The following NALF1 variants were observed in gnomAD, a reference collection of about 807,000 sequenced individuals.
NALF1 encodes the protein family with sequence similarity 155 member A.
NALF1 carries 3 observed loss-of-function variants against 48.4 expected under a neutral mutation model. The ratio of observed to expected loss-of-function variants is 0.06; its 90% CI spans 0.03 to 0.16. NALF1 has a LOEUF of 0.16. Among genes scored for constraint, NALF1 ranks in the 10% least tolerant of loss-of-function variants. The pLI is 1.00. For missense variants in NALF1, 526 were observed against 571.5 expected (o/e 0.92, Z 0.81); for synonymous variants, 262 against 245.7 (o/e 1.07, Z -0.62).
At chr13:107,443,169 AATCTATCTATCTATCT>A (rs10564280) in intron 1 of NALF1, among the ~76,000 whole-genome samples, 3,782 of 128,404 alleles carry the variant, frequency 0.029, 152 homozygotes, top group African/African-American at 0.09. Context: ...TTTATCTAAC[AATCTATCTATCTATCT>A]ATCTATCTAT....
At chr13:107,504,432 G>A (rs1441774870) in intron 1 of NALF1, among the ~76,000 whole-genome samples, 3 of 152,056 alleles carry the variant, frequency 2.0e-5, no homozygotes, top group African/African-American at 7.2e-5. Context: ...AGCCGCTCTT[G>A]TCACAAAAAG....
At chr13:107,755,104 T>G (rs1034700536) in intron 1 of NALF1, among the ~76,000 whole-genome samples, 37 of 152,318 alleles carry the variant, frequency 2.4e-4, no homozygotes, top group African/African-American at 8.7e-4. Context: ...AGTTAAAACC[T>G]TTAAAAGTAC....
intron 2 of NALF1, among the ~76,000 whole-genome samples, chr13:107,173,315 T>C (rs1279781387): frequency 6.6e-6 from 1 of 152,194 alleles, no homozygotes; most frequent in Non-Finnish European, 1.5e-5. Flanking sequence ...CCTCCATAAA[T>C]AGTAACTTTG....
chr13:107,356,712 T>G (rs1882969522), intron 1 of NALF1, among the ~76,000 whole-genome samples: 2 of 152,146 alleles, frequency 1.3e-5, no homozygotes, highest in South Asian at 2.1e-4. Flanking sequence ...GGATTAGTAG[T>G]TTTTTGAAGT....
chr13:107,618,173 T>C lies in NALF1; in HGVS notation c.915+247509A>G, dbSNP rs139366059. Among the ~76,000 whole-genome samples, 1,220 of 149,856 alleles carry C rather than the reference T, an allele frequency of 8.1e-3. 11 individuals are homozygous for C. The highest frequency in any genetic ancestry group is 1.0e-2 in the Non-Finnish European group (674 of 67,458). On this transcript the variant is annotated intron_variant, in intron 1 of 2. Transcript: ENST00000375915. The stretch of plus-strand genomic sequence containing the variant: ...GTAAGACTGGCTGGAAAAAACTCTG[T>C]TGGAAGAAAAGAGATTTCAGCTGAG...
At chr13:107,735,015 G>A (rs1016050063) in intron 1 of NALF1, among the ~76,000 whole-genome samples, 1 of 152,182 alleles carries the variant, frequency 6.6e-6, no homozygotes, top group Non-Finnish European at 1.5e-5. Flanking sequence ...CTGCTCCTGG[G>A]AGGAAAAAAT....
chr13:107,866,974 G>A lies in NALF1; in HGVS notation c.-378C>T, dbSNP rs1463198697. Among the ~76,000 whole-genome samples, 2 of 151,916 alleles carry A rather than the reference G, an allele frequency of 1.3e-5. No individual in the cohort carries two copies. Among genetic ancestry groups the A allele is most frequent in the East Asian group, 2.0e-4 (1 of 5,098 alleles). On this transcript the variant is annotated 5_prime_UTR_variant, in exon 1 of 3. Coordinates refer to ENST00000375915, the MANE Select transcript of NALF1 (RefSeq NM_001080396.3). The surrounding 1 kb of genome is among the most constrained non-coding windows in gnomAD (Gnocchi z 4.4). ...GGCGAGGCTGGGTGCAGGGGGCGAT[G>A]GTGGAGGTGACAGGGTGGCTGGCGC...
intron 1 of NALF1, among the ~76,000 whole-genome samples, chr13:107,632,787 T>G (rs941298303): frequency 6.6e-6 from 1 of 152,038 alleles, no homozygotes; most frequent in East Asian, 1.9e-4. Context: ...AAGTAAACAT[T>G]GCATTTTGAA....
intron 1 of NALF1, among the ~76,000 whole-genome samples, chr13:107,536,522 C>T (rs1876822359): frequency 6.6e-6 from 1 of 152,134 alleles, no homozygotes; most frequent in Non-Finnish European, 1.5e-5. Flanking sequence ...ATCAAAACTA[C>T]AATGAGATAC....
chr13:107,393,627 C>A (rs968985945), intron 1 of NALF1, among the ~76,000 whole-genome samples: 4 of 151,966 alleles, frequency 2.6e-5, no homozygotes, highest in African/African-American at 7.3e-5. Flanking sequence ...AAGACGGAGA[C>A]AATTAAAAGG....
intron 1 of NALF1, among the ~76,000 whole-genome samples, chr13:107,721,615 G>A (rs940461408): frequency 1.1e-4 from 16 of 152,128 alleles, no homozygotes; most frequent in Admixed American, 7.9e-4. Flanking sequence ...CCCCTTTGAC[G>A]GGATTTCCCT....
At chr13:107,535,391 G>C (rs2139112611) in intron 1 of NALF1, among the ~76,000 whole-genome samples, 1 of 152,150 alleles carries the variant, frequency 6.6e-6, no homozygotes, top group Non-Finnish European at 1.5e-5. Context: ...TTAGCATGAA[G>C]GGCTGTTGAA....
rs142629968 is a variant in NALF1, at chr13:107,620,744, C to T, written c.915+244938G>A. 1.3e-4 allele frequency among the ~76,000 whole-genome samples: 20 copies of T among 152,294 alleles called. No individual in the cohort carries two copies. The East Asian group carries it at 3.7e-3, about 28-fold the overall frequency. On this transcript the variant is annotated intron_variant, in intron 1 of 2. Transcript: ENST00000375915. Reference sequence around the variant, plus strand: ...CTAAATATTAAGCGTGTTTCCACCTCCGCCACACTTGTCTTTGGTATTCCA... The same window carrying T: ...CTAAATATTAAGCGTGTTTCCACCTTCGCCACACTTGTCTTTGGTATTCCA...
intron 1 of NALF1, among the ~76,000 whole-genome samples, chr13:107,213,840 C>T (rs772899974): frequency 2.0e-5 from 3 of 152,108 alleles, no homozygotes; most frequent in African/African-American, 4.8e-5. Flanking sequence ...ACGGAGAATA[C>T]CTGAGAATAT....
At chr13:107,809,901 C>T (rs1192417038) in intron 1 of NALF1, among the ~76,000 whole-genome samples, 1 of 152,002 alleles carries the variant, frequency 6.6e-6, no homozygotes, top group Non-Finnish European at 1.5e-5. Flanking sequence ...TAGTTCTACC[C>T]CTTTTAAGGC....
chr13:107,642,693 C>A lies in NALF1; in HGVS notation c.915+222989G>T, dbSNP rs182163256. Among the ~76,000 whole-genome samples, 594 of 152,256 alleles carry A rather than the reference C, an allele frequency of 3.9e-3. 2 individuals carry two copies. The highest frequency in any genetic ancestry group is 0.024 in the Middle Eastern group (7 of 294). ...GGGATACATACATAGGTAAAAAGATCACAAAGACCCACGTTAGATGATAAT... is the reference window on the plus strand; with the variant it reads ...GGGATACATACATAGGTAAAAAGATAACAAAGACCCACGTTAGATGATAAT... On this transcript the variant is annotated intron_variant, in intron 1 of 2. Coordinates refer to ENST00000375915, the MANE Select transcript of NALF1 (RefSeq NM_001080396.3).
chr13:107,246,727 T>C (rs534493561), intron 1 of NALF1, among the ~76,000 whole-genome samples: 1 of 152,308 alleles, frequency 6.6e-6, no homozygotes, highest in South Asian at 2.1e-4. Flanking sequence ...AAGAAAATTA[T>C]AGTTTATATT....
chr13:107,502,786 A>T (rs546861193), intron 1 of NALF1, among the ~76,000 whole-genome samples: 1 of 152,232 alleles, frequency 6.6e-6, no homozygotes, highest in African/African-American at 2.4e-5. Context: ...AAAAGCTTTC[A>T]GGAAATATAG....
intron 1 of NALF1, among the ~76,000 whole-genome samples, chr13:107,526,864 A>G (rs61480196): frequency 0.17 from 25,905 of 152,060 alleles, 2,498 homozygotes; most frequent in East Asian, 0.26. Context: ...AGTCCAGAAA[A>G]ACACTTTCAG....
Sources: allele counts gnomAD v4.1 joint callset (sites outside exome capture counted in the v4.1 genomes callset), GRCh38; gene constraint gnomAD v4.1.1; non-coding constraint Gnocchi (gnomAD v3.1); transcripts MANE v1.5; gene names NCBI Gene and HGNC (gene_info 2026-07-23, HGNC 2026-07-21).